NPHP4: variants seen among roughly 807,000 people sequenced by gnomAD.
NPHP4 encodes the protein nephrocystin-4.
NPHP4 carries 151 observed loss-of-function variants against 155.8 expected under a neutral mutation model. That is an observed-to-expected ratio of 0.97 (90% CI 0.85 to 1.11). The LOEUF is 1.11. Ranked by LOEUF, NPHP4 falls within the 50% of genes least tolerant of loss-of-function variation. The probability of loss-of-function intolerance (pLI) is 0.00; values close to 1 mark genes in which losing one functional copy is unlikely to be tolerated. For synonymous variants in NPHP4, 845 were observed against 816.8 expected (o/e 1.03, Z -0.59); for missense variants, 1,956 against 1,925.7 (o/e 1.02, Z -0.29).
At chr1:5,979,191 T>C (rs1368869880) in intron 2 of NPHP4, among the ~76,000 whole-genome samples, 1 of 152,252 alleles carries the variant, frequency 6.6e-6, no homozygotes, top group Non-Finnish European at 1.5e-5. Flanking sequence ...CCTATTCACT[T>C]AGTAAACGTT....
At chr1:5,963,126 C>T (rs1650670803) in intron 5 of NPHP4, among the ~76,000 whole-genome samples, 1 of 152,218 alleles carries the variant, frequency 6.6e-6, no homozygotes, top group Non-Finnish European at 1.5e-5. Context: ...TTGTGAAAAA[C>T]TAGGTCCGCC....
At chr1:5,980,770 G>A (rs1654548788) in intron 2 of NPHP4, among the ~76,000 whole-genome samples, 1 of 152,168 alleles carries the variant, frequency 6.6e-6, no homozygotes, top group Non-Finnish European at 1.5e-5. Context: ...GCAACGTGGA[G>A]GGAGGTGGTG....
rs1300722507 is a variant in NPHP4, at chr1:5,909,230, TG to T, written c.1442-18del. ...CTGGCGGGCCTGGGAGGAAGCACAG[TG>T]GGGTAGGAGAGGGAATGTGTCAGCC... On this transcript the variant is annotated intron_variant, in intron 11 of 29. Transcript: ENST00000378156. 6.3e-7 allele frequency: 1 copy of T among 1,595,056 alleles called. No homozygotes were observed. Among genetic ancestry groups the T allele is most frequent in the Admixed American group, 1.7e-5 (1 of 57,602 alleles).
At chr1:5,941,402 A>T (rs926108164) in intron 9 of NPHP4, among the ~76,000 whole-genome samples, 1 of 152,062 alleles carries the variant, frequency 6.6e-6, no homozygotes, top group Non-Finnish European at 1.5e-5. Flanking sequence ...CTGACTCAAA[A>T]TCCAGATACA....
chr1:5,869,023 GCA>G lies in NPHP4; in HGVS notation c.3316-1129_3316-1128del, dbSNP rs532226239. ...CACACGCACCCATACACACACACATGCACACACATACATGCACACATGCCCCC... is the reference window on the plus strand; with the variant it reads ...CACACGCACCCATACACACACACATGCACACATACATGCACACATGCCCCC... On this transcript the variant is annotated intron_variant, in intron 23 of 29. Transcript: ENST00000378156. 8.5e-4 allele frequency among the ~76,000 whole-genome samples: 86 copies of G among 101,546 alleles called. 1 individual carries two copies. The highest frequency in any genetic ancestry group is 0.023 in the Middle Eastern group (2 of 88). 66.6% of individuals were successfully genotyped at this position (101,546 alleles called of 152,430 possible).
chr1:5,879,266 G>A (rs2100710549), intron 19 of NPHP4: 1 of 278,434 alleles, frequency 3.6e-6, no homozygotes, highest in African/African-American at 2.2e-5. Context: ...GCAACCTCTG[G>A]GGAAAATGCT....
chr1:5,903,087 G>A (rs1333808307), intron 16 of NPHP4, among the ~76,000 whole-genome samples: 1 of 152,180 alleles, frequency 6.6e-6, no homozygotes, highest in Admixed American at 6.5e-5. Context: ...CTCTAAACGG[G>A]ATGTACAGGT....
chr1:5,910,109 A>G lies in NPHP4; in HGVS notation c.1442-896T>C, dbSNP rs1231709687. Among the ~76,000 whole-genome samples, 2 of 152,084 alleles carry G rather than the reference A, an allele frequency of 1.3e-5. No homozygotes were observed. The highest frequency in any genetic ancestry group is 4.8e-5 in the African/African-American group (2 of 41,394). Reference sequence around the variant, plus strand: ...CACTCGTCTCTTACGGTCATTTCACATACACTGCCATTTGCCTTTGCCCAC... The same window carrying G: ...CACTCGTCTCTTACGGTCATTTCACGTACACTGCCATTTGCCTTTGCCCAC... On this transcript the variant is annotated intron_variant, in intron 11 of 29. Transcript: ENST00000378156. This position sits in a 1 kb window ranked among gnomAD's most constrained non-coding sequence, Gnocchi z 5.4.
Position 5,921,356 on chromosome 1 carries a change from G to A in NPHP4, c.1441+6293C>T, listed in dbSNP as rs190273324. ...GAACCGGTTGTTCTCTCTAACAGTCGTCTGGAAATGGCACTTCTGAGTTGT... is the reference window on the plus strand; with the variant it reads ...GAACCGGTTGTTCTCTCTAACAGTCATCTGGAAATGGCACTTCTGAGTTGT... On this transcript the variant is annotated intron_variant, in intron 11 of 29. Coordinates refer to ENST00000378156, the MANE Select transcript of NPHP4 (RefSeq NM_015102.5). Among the ~76,000 whole-genome samples, 664 of 152,292 alleles carry A rather than the reference G, an allele frequency of 4.4e-3. 6 individuals carry two copies. The highest frequency in any genetic ancestry group is 0.015 in the African/African-American group (615 of 41,550).
chr1:5,909,034 C>T, intron 12 of NPHP4, 118 bp downstream of exon 12: 1 of 866,926 alleles, frequency 1.2e-6, no homozygotes, highest in Admixed American at 2.0e-5. Context: ...GCCAGCAGGC[C>T]CTCCCCAGCC....
chr1:5,863,927 T>C lies in NPHP4; in HGVS notation c.4103A>G (p.His1368Arg). ...CTCTCTGAACCGCAGCAGCTCCGGG[T>C]GGTCGCTGTGCAGGTGGAATGTCCT... ...SRRTFHLHSD[H>R]PELLRFREDS... Residue 1368 changes from histidine (H) to arginine (R), a missense_variant, in exon 29 of 30, where the codon CAC (histidine) becomes CGC (arginine). By Grantham distance (29) the His-to-Arg change is conservative. Transcript: ENST00000378156. The C allele has an allele frequency of 6.2e-7, 1 of 1,613,754 alleles. No individual in the cohort carries two copies. Among genetic ancestry groups the C allele is most frequent in the Non-Finnish European group, 8.5e-7 (1 of 1,179,826 alleles).
At position 5,901,444 on chromosome 1, in the gene NPHP4, C is replaced by T. The variant is rs964753251; in HGVS notation, c.2143+3173G>A. ...AGATATGTAAGAAATTGAAATCAGTCGGGTGGGGTTTTTTTGGACTTCAAC... is the reference window on the plus strand; with the variant it reads ...AGATATGTAAGAAATTGAAATCAGTTGGGTGGGGTTTTTTTGGACTTCAAC... On this transcript the variant is annotated intron_variant, in intron 16 of 29. Coordinates refer to ENST00000378156, the MANE Select transcript of NPHP4 (RefSeq NM_015102.5). 1.9e-4 allele frequency among the ~76,000 whole-genome samples: 29 copies of T among 152,174 alleles called. 1 individual carries two copies. Among genetic ancestry groups the T allele is most frequent in the Non-Finnish European group, 2.6e-4 (18 of 68,034 alleles).
In NPHP4 at chr1:5,933,338, A is replaced by T. The variant is rs570380438; in HGVS notation, c.1120-9T>A. 6.6e-5 allele frequency: 106 copies of T among 1,610,210 alleles called. No homozygotes were observed. In the East Asian group the frequency reaches 2.3e-3, roughly 35 times the overall value. On this transcript the variant is annotated splice_polypyrimidine_tract_variant and intron_variant, in intron 9 of 29. Coordinates refer to ENST00000378156, the MANE Select transcript of NPHP4 (RefSeq NM_015102.5). ...GAGGTGACCGAAGCTGCCTAGAATTAAAACAAAGCACATCGGTGTATGAGT... is the reference window on the plus strand; with the variant it reads ...GAGGTGACCGAAGCTGCCTAGAATTTAAACAAAGCACATCGGTGTATGAGT...
intron 5 of NPHP4, among the ~76,000 whole-genome samples, chr1:5,964,569 G>GGA (rs1413105008): frequency 6.6e-6 from 1 of 152,118 alleles, no homozygotes; most frequent in African/African-American, 2.4e-5. Context: ...CAATGTGCCT[G>GGA]GAGTCCCACC....
rs546326719 is a variant in NPHP4 at position 5,868,282 on chromosome 1, G to C, written c.3316-386C>G. Reference sequence around the variant, plus strand: ...TGCGCAAGTCAGGCCAGGAGGTCCTGGAGTGGGTGGTGGCAGGGCCAAGTT... The same window carrying C: ...TGCGCAAGTCAGGCCAGGAGGTCCTCGAGTGGGTGGTGGCAGGGCCAAGTT... On this transcript the variant is annotated intron_variant, in intron 23 of 29. Coordinates refer to ENST00000378156, the MANE Select transcript of NPHP4 (RefSeq NM_015102.5). 1.8e-3 allele frequency: 644 copies of C among 351,080 alleles called. 8 individuals are homozygous for C. Among genetic ancestry groups the C allele is most frequent in the South Asian group, 0.012 (549 of 44,966 alleles). 21.7% of individuals were successfully genotyped at this position (351,080 alleles called of 1,614,324 possible).
In NPHP4 at chr1:5,889,278, C is replaced by T. The variant is rs975540892; in HGVS notation, c.2304+1590G>A. ...CTGGCCCCGCCTGCAGAAAGTAAGT[C>T]CACCAAAGGCTAACCGGAGCAACCT... is the stretch of plus-strand genomic sequence containing the variant. On this transcript the variant is annotated intron_variant, in intron 17 of 29. Coordinates refer to ENST00000378156, the MANE Select transcript of NPHP4 (RefSeq NM_015102.5). The surrounding 1 kb of genome is among the most constrained non-coding windows in gnomAD (Gnocchi z 4.2). 2.6e-5 allele frequency among the ~76,000 whole-genome samples: 4 copies of T among 152,240 alleles called. No homozygotes were observed. The highest frequency in any genetic ancestry group is 9.6e-5 in the African/African-American group (4 of 41,478).
intron 16 of NPHP4, among the ~76,000 whole-genome samples, chr1:5,900,683 G>A (rs1570338396): frequency 6.6e-6 from 1 of 152,164 alleles, no homozygotes; most frequent in Non-Finnish European, 1.5e-5. Flanking sequence ...GAACTTTAGT[G>A]TAAACTATGA....
intron 6 of NPHP4, among the ~76,000 whole-genome samples, chr1:5,959,395 T>G (rs1649881567): frequency 6.6e-6 from 1 of 152,148 alleles, no homozygotes; most frequent in Non-Finnish European, 1.5e-5. Flanking sequence ...AGCTCTTTAA[T>G]CCAAAACTCT....
At chr1:5,908,985 G>C (rs1192593138) in intron 12 of NPHP4, among the ~76,000 whole-genome samples, 167 bp downstream of exon 12, 1 of 152,224 alleles carries the variant, frequency 6.6e-6, no homozygotes, top group East Asian at 1.9e-4. Flanking sequence ...ATCAGGGACA[G>C]GCTGCACAGA....
Sources: allele counts gnomAD v4.1 joint callset (sites outside exome capture counted in the v4.1 genomes callset), GRCh38; gene constraint gnomAD v4.1.1; non-coding constraint Gnocchi (gnomAD v3.1); transcripts MANE v1.5; gene names NCBI Gene and HGNC (gene_info 2026-07-23, HGNC 2026-07-21).